PLXDC2: variants seen among roughly 807,000 people sequenced by gnomAD.
PLXDC2 encodes plexin domain containing 2.
A neutral mutation model predicts 68.9 loss-of-function variants in PLXDC2; 40 were observed. The ratio of observed to expected loss-of-function variants is 0.58; its 90% confidence interval spans 0.45 to 0.76. PLXDC2 has a LOEUF of 0.76. Among genes scored for constraint, PLXDC2 ranks in the 30% least tolerant of loss-of-function variants. The pLI, the probability that PLXDC2 is intolerant of heterozygous loss-of-function variation, is 0.00. For missense variants in PLXDC2, 644 were observed against 661.9 expected, an observed-to-expected ratio of 0.97 and a Z score of 0.30; for synonymous variants, 243 against 234.2, an observed-to-expected ratio of 1.04 and a Z score of -0.34.
chr10:20,189,539 A>G (rs1253186647), intron 9 of PLXDC2, among the ~76,000 whole-genome samples: 3 of 33,016 alleles, frequency 9.1e-5, no homozygotes, highest in African/African-American at 1.3e-4. Flanking sequence ...ACACACATAT[A>G]TATACACACA....
intron 1 of PLXDC2, among the ~76,000 whole-genome samples, chr10:19,981,143 T>C (rs560114857): frequency 1.4e-4 from 21 of 152,318 alleles, no homozygotes; most frequent in African/African-American, 4.1e-4. Context: ...CTGACAGCCA[T>C]TGAATCTTCA....
intron 1 of PLXDC2, among the ~76,000 whole-genome samples, chr10:19,868,713 A>G (rs1001871748): frequency 2.0e-5 from 3 of 152,194 alleles, no homozygotes; most frequent in Non-Finnish European, 2.9e-5. Flanking sequence ...TTAATAAAAT[A>G]CATTTGTTTT....
At chr10:20,038,292 G>C (rs1445805039) in intron 2 of PLXDC2, among the ~76,000 whole-genome samples, 7 of 151,714 alleles carry the variant, frequency 4.6e-5, no homozygotes, top group Non-Finnish European at 7.4e-5. Context: ...ACCTAGAAAA[G>C]TCATACATAA....
chr10:20,173,223 T>TA (rs1834473674), intron 7 of PLXDC2, among the ~76,000 whole-genome samples: 1 of 152,096 alleles, frequency 6.6e-6, no homozygotes, highest in African/African-American at 2.4e-5. Context: ...AGAAATAAGA[T>TA]ACAACCATAT....
At chr10:20,106,245 C>T (rs1833489916) in intron 4 of PLXDC2, among the ~76,000 whole-genome samples, 1 of 152,160 alleles carries the variant, frequency 6.6e-6, no homozygotes, top group Non-Finnish European at 1.5e-5. Context: ...TCATATGACT[C>T]ATGGGTTGAA....
chr10:19,970,749 A>G (rs1184432303), intron 1 of PLXDC2, among the ~76,000 whole-genome samples: 2 of 152,204 alleles, frequency 1.3e-5, no homozygotes, highest in Non-Finnish European at 2.9e-5. Context: ...TGGTTCAGGA[A>G]GGAATTTCTG....
chr10:20,006,810 G>A (rs1224740515), intron 2 of PLXDC2, among the ~76,000 whole-genome samples: 3 of 152,308 alleles, frequency 2.0e-5, no homozygotes, highest in Admixed American at 6.5e-5. Context: ...TTCTTCCCAT[G>A]AGCATATAAA....
chr10:20,181,869 T>C (rs1052906655), intron 9 of PLXDC2, among the ~76,000 whole-genome samples: 2 of 152,144 alleles, frequency 1.3e-5, no homozygotes, highest in Non-Finnish European at 2.9e-5. Flanking sequence ...AATGGAACTT[T>C]GGCTGCTTCA....
At chr10:19,838,863 C>T (rs1281414916) in intron 1 of PLXDC2, among the ~76,000 whole-genome samples, 2 of 152,114 alleles carry the variant, frequency 1.3e-5, no homozygotes, top group Admixed American at 1.3e-4. Flanking sequence ...CAAGTTTAAG[C>T]TTCGGCTCCT....
At chr10:20,114,580 A>T (rs1833599063) in intron 4 of PLXDC2, among the ~76,000 whole-genome samples, 1 of 152,230 alleles carries the variant, frequency 6.6e-6, no homozygotes, top group Non-Finnish European at 1.5e-5. Flanking sequence ...GAATGAGCAC[A>T]GGTGTGGACC....
intron 2 of PLXDC2, among the ~76,000 whole-genome samples, chr10:20,020,852 T>A (rs1835296017): frequency 6.6e-6 from 1 of 152,138 alleles, no homozygotes; most frequent in Non-Finnish European, 1.5e-5. Context: ...AGGTATTGCA[T>A]AAGATAAATA....
chr10:20,247,639 C>A (rs1240139711), intron 13 of PLXDC2, among the ~76,000 whole-genome samples: 1 of 152,122 alleles, frequency 6.6e-6, no homozygotes, highest in Non-Finnish European at 1.5e-5. Context: ...GGGATACACC[C>A]CTACCTTTCT....
At chr10:20,081,330 C>T (rs1363591649) in intron 4 of PLXDC2, among the ~76,000 whole-genome samples, 1 of 151,784 alleles carries the variant, frequency 6.6e-6, no homozygotes, top group Non-Finnish European at 1.5e-5. Context: ...CTAGAGACAC[C>T]CTTAAGAGAG....
At chr10:19,842,881 A>G (rs936894069) in intron 1 of PLXDC2, among the ~76,000 whole-genome samples, 3 of 152,076 alleles carry the variant, frequency 2.0e-5, no homozygotes, top group African/African-American at 7.2e-5. Flanking sequence ...CGTCATGTTT[A>G]TATTATCTGA....
chr10:19,822,141 G>GCACTATATATGCAATATATAATGTATATA (rs1836478830), intron 1 of PLXDC2, among the ~76,000 whole-genome samples: 2 of 150,040 alleles, frequency 1.3e-5, no homozygotes, highest in Non-Finnish European at 3.0e-5. Flanking sequence ...GCATATATAT[G>GCACTATATATGCAATATATAATGTATATA]CACTATATAT....
chr10:19,838,796 A>T (rs1836848636), intron 1 of PLXDC2, among the ~76,000 whole-genome samples: 1 of 152,194 alleles, frequency 6.6e-6, no homozygotes, highest in African/African-American at 2.4e-5. Context: ...AAAAGTGGTG[A>T]CACATGCAAA....
intron 4 of PLXDC2, among the ~76,000 whole-genome samples, chr10:20,104,999 C>T (rs967698512): frequency 7.2e-6 from 1 of 139,204 alleles, no homozygotes; most frequent in East Asian, 2.2e-4. Flanking sequence ...TGCAGTGAGC[C>T]GAGATCACAC....
chr10:19,907,462 A>G (rs1342971899), intron 1 of PLXDC2, among the ~76,000 whole-genome samples: 2 of 152,218 alleles, frequency 1.3e-5, no homozygotes, highest in Non-Finnish European at 2.9e-5. Flanking sequence ...TGGGATCAAC[A>G]TTATGAAAAG....
At chr10:20,142,343 G>C (rs1217255634) in intron 4 of PLXDC2, among the ~76,000 whole-genome samples, 1 of 152,024 alleles carries the variant, frequency 6.6e-6, no homozygotes, top group African/African-American at 2.4e-5. Flanking sequence ...TTATTTGTGT[G>C]TGTGCATTTG....
Sources: gnomAD v4.1 joint callset for allele counts (sites outside exome capture counted in the v4.1 genomes callset) on GRCh38, gnomAD v4.1.1 for gene constraint, MANE v1.5 for transcripts, NCBI Gene and HGNC (gene_info 2026-07-23, HGNC 2026-07-21) for gene names.